PCSK5: variants seen among roughly 807,000 people sequenced by gnomAD.
The protein encoded by PCSK5 is proprotein convertase subtilisin/kexin type 5.
Under a neutral mutation model 233.2 loss-of-function variants are expected in PCSK5, and 129 were observed. That is an observed-to-expected ratio of 0.55 (90% confidence interval 0.48 to 0.64). The LOEUF is 0.64. Ranked by LOEUF, PCSK5 falls within the 30% of genes least tolerant of loss-of-function variation. PCSK5 has a pLI of 0.00. For missense variants in PCSK5, 2,076 were observed against 2,430.1 expected, an observed-to-expected ratio of 0.85 and a Z score of 3.06; for synonymous variants, 825 against 879.2, an observed-to-expected ratio of 0.94 and a Z score of 1.09.
At chr9:75,930,019 C>T (rs1045722974) in intron 1 of PCSK5, among the ~76,000 whole-genome samples, 2 of 152,098 alleles carry the variant, frequency 1.3e-5, no homozygotes, top group Non-Finnish European at 2.9e-5. Context: ...TGTGCTACCA[C>T]GCCCAGCTGA....
At chr9:76,163,875 T>G (rs796472995) in intron 12 of PCSK5, among the ~76,000 whole-genome samples, 2 of 114,960 alleles carry the variant, frequency 1.7e-5, no homozygotes, top group East Asian at 2.2e-4. Context: ...TTTTTTTTTT[T>G]TTTTCCTGAA....
In PCSK5 at chr9:75,908,815, C is replaced by CATCTATCTATCTATCTATCTATCTATCT. The variant is rs202004678; in HGVS notation, c.192+17465_192+17466insTATCTATCTATCTATCTATCTATCTATC. On this transcript the variant is annotated intron_variant, in intron 1 of 37. Transcript: ENST00000674117. ...CACTTGGCATTTTCATCTTACATGC[C>CATCTATCTATCTATCTATCTATCTATCT]ATCTATCTATCTATCTATCTATCCA... Among the ~76,000 whole-genome samples, 50 of 151,842 alleles carry CATCTATCTATCTATCTATCTATCTATCT rather than the reference C, an allele frequency of 3.3e-4. No individual in the cohort carries two copies. In the East Asian group the frequency reaches 8.9e-3, roughly 27 times the overall value.
At chr9:76,294,157 A>T (rs940596556) in intron 25 of PCSK5, among the ~76,000 whole-genome samples, 1 of 149,998 alleles carries the variant, frequency 6.7e-6, no homozygotes, top group Non-Finnish European at 1.5e-5. Context: ...AGATCATGCC[A>T]TTGCACTCCA....
intron 21 of PCSK5, among the ~76,000 whole-genome samples, chr9:76,232,804 G>A (rs1481579722): frequency 6.6e-6 from 1 of 152,164 alleles, no homozygotes; most frequent in African/African-American, 2.4e-5. Context: ...AGTTTTAGAA[G>A]CCCATATACC....
intron 24 of PCSK5, among the ~76,000 whole-genome samples, chr9:76,243,083 A>C (rs1452483320): frequency 1.3e-5 from 2 of 152,232 alleles, no homozygotes; most frequent in Non-Finnish European, 2.9e-5. Context: ...AGATGAGACC[A>C]AGGGGAAGTC....
intron 24 of PCSK5, among the ~76,000 whole-genome samples, chr9:76,268,827 A>T (rs1220413964): frequency 1.3e-5 from 2 of 152,242 alleles, no homozygotes; most frequent in Non-Finnish European, 2.9e-5. Flanking sequence ...TCTGGGTGAC[A>T]GAGCAAGGCT....
chr9:76,318,428 C>A (rs1829093599), intron 30 of PCSK5, among the ~76,000 whole-genome samples: 1 of 151,574 alleles, frequency 6.6e-6, no homozygotes, highest in African/African-American at 2.4e-5. Context: ...ATGTAACAAA[C>A]CTGCACATTC....
At chr9:75,968,345 G>A (rs953237807) in intron 2 of PCSK5, among the ~76,000 whole-genome samples, 1 of 152,316 alleles carries the variant, frequency 6.6e-6, no homozygotes, top group South Asian at 2.1e-4. Flanking sequence ...CTGTTATATC[G>A]CTCGCGCGTT....
intron 24 of PCSK5, among the ~76,000 whole-genome samples, chr9:76,270,349 G>A (rs144700194): frequency 1.3e-5 from 2 of 152,296 alleles, no homozygotes; most frequent in East Asian, 3.9e-4. Context: ...GGAATGGAAG[G>A]TTGTGTTTGC....
chr9:76,131,009 T>TG (rs1427843265), intron 9 of PCSK5, among the ~76,000 whole-genome samples: 1 of 152,182 alleles, frequency 6.6e-6, no homozygotes, highest in African/African-American at 2.4e-5. Flanking sequence ...CAGAGGCCAC[T>TG]GGAGTGTGGG....
chr9:76,127,682 C>T (rs986938045), intron 9 of PCSK5, among the ~76,000 whole-genome samples: 5 of 152,178 alleles, frequency 3.3e-5, no homozygotes, highest in African/African-American at 1.2e-4. Context: ...TCATCAAATG[C>T]TGGTGTAAAC....
chr9:76,168,550 C>T (rs1823187182), intron 12 of PCSK5, among the ~76,000 whole-genome samples: 1 of 152,058 alleles, frequency 6.6e-6, no homozygotes, highest in Admixed American at 6.6e-5. Context: ...TTCAGGATTC[C>T]ATTGCAGGAA....
chr9:76,188,490 G>C (rs1415683682), intron 17 of PCSK5, 88 bp from the exon 18 acceptor site: 1 of 810,184 alleles, frequency 1.2e-6, no homozygotes, highest in Non-Finnish European at 2.1e-6. Context: ...GAGGGAAACT[G>C]TATCTGTTAC....
At chr9:76,067,841 C>T in intron 5 of PCSK5, 114 bp from the exon 6 acceptor site, 1 of 784,894 alleles carries the variant, frequency 1.3e-6, no homozygotes, top group Non-Finnish European at 2.2e-6. Flanking sequence ...GAAGGAAGTT[C>T]CAGAAACACC....
At chr9:76,206,557 T>A (rs150442846) in intron 20 of PCSK5, among the ~76,000 whole-genome samples, 59 of 152,288 alleles carry the variant, frequency 3.9e-4, no homozygotes, top group African/African-American at 1.4e-3. Context: ...CAGCTAATTG[T>A]CTCCACTTGC....
chr9:76,314,754 A>G (rs1188066924), intron 30 of PCSK5, among the ~76,000 whole-genome samples: 2 of 152,036 alleles, frequency 1.3e-5, no homozygotes, highest in African/African-American at 4.8e-5. Flanking sequence ...ATCCTGCCTC[A>G]GCCTCCCGAG....
chr9:76,321,864 T>G (rs1017355780), intron 31 of PCSK5, among the ~76,000 whole-genome samples: 1 of 152,170 alleles, frequency 6.6e-6, no homozygotes, highest in Admixed American at 6.5e-5. Flanking sequence ...CATGATCTCT[T>G]ACACTCACCC....
intron 1 of PCSK5, among the ~76,000 whole-genome samples, chr9:75,907,626 G>A (rs1315700578): frequency 2.0e-5 from 3 of 152,162 alleles, no homozygotes; most frequent in African/African-American, 7.2e-5. Context: ...CGAGAGGCAA[G>A]TCCCAGATTA....
intron 2 of PCSK5, among the ~76,000 whole-genome samples, chr9:75,935,313 C>A (rs1392136784): frequency 6.6e-6 from 1 of 152,176 alleles, no homozygotes; most frequent in Non-Finnish European, 1.5e-5. Flanking sequence ...GTGATCCACC[C>A]TCCTCGGCCT....
Sources: allele counts gnomAD v4.1 joint callset (sites outside exome capture counted in the v4.1 genomes callset), GRCh38; gene constraint gnomAD v4.1.1; transcripts MANE v1.5; gene names NCBI Gene and HGNC (gene_info 2026-07-23, HGNC 2026-07-21).